The following HDAC9 variants were observed in gnomAD, a reference collection of about 807,000 sequenced individuals.
HDAC9 encodes histone deacetylase 9.
HDAC9 carries 41 observed loss-of-function variants against 139.4 expected under a neutral mutation model. That is an observed-to-expected ratio of 0.29 (90% CI 0.23 to 0.38). The LOEUF is 0.38. Ranked by LOEUF, HDAC9 falls within the 10% of genes least tolerant of loss-of-function variation. HDAC9 has a pLI of 1.00. For synonymous variants in HDAC9, 517 were observed against 476.2 expected, an observed-to-expected ratio of 1.09 and a Z score of -1.12; for missense variants, 1,147 against 1,297.0, an observed-to-expected ratio of 0.88 and a Z score of 1.78.
At chr7:18,138,527 G>GGTGTGTGTGTGTGTGT (rs71014309) in intron 1 of HDAC9, among the ~76,000 whole-genome samples, 7 of 142,586 alleles carry the variant, frequency 4.9e-5, no homozygotes, top group Non-Finnish European at 1.1e-4. Flanking sequence ...GAGAGAGAGA[G>GGTGTGTGTGTGTGTGT]GTGTGTGTGT....
intron 23 of HDAC9, among the ~76,000 whole-genome samples, chr7:18,938,861 A>T (rs1373383681): frequency 6.6e-6 from 1 of 152,228 alleles, no homozygotes; most frequent in Admixed American, 6.5e-5. Flanking sequence ...AGAAAGAATG[A>T]CAATGATGTC....
chr7:18,824,087 G>GAAGAAGAAGAAC lies in HDAC9; in HGVS notation c.2323-5072_2323-5071insGAAGAAGAACAA, dbSNP rs1331001570. ...AGAAGAAGAAGAAGAAGAAGAAGAA[G>GAAGAAGAAGAAC]AACAAGAACAAGAAGGAGAAGAAGA... On this transcript the variant is annotated intron_variant, in intron 17 of 25. Transcript: ENST00000686413. Among the ~76,000 whole-genome samples the GAAGAAGAAGAAC allele has an allele frequency of 7.5e-5, 11 of 147,544 alleles. No homozygotes were observed. In the East Asian group the frequency reaches 1.4e-3, roughly 19 times the overall value.
chr7:18,663,842 A>G (rs182786660), intron 11 of HDAC9, among the ~76,000 whole-genome samples: 63 of 152,038 alleles, frequency 4.1e-4, no homozygotes, highest in African/African-American at 1.4e-3. Flanking sequence ...TCTTCCCACA[A>G]GCTCCCCTCA....
rs1172112643 is a variant in HDAC9, at chr7:18,935,870, A to G, written c.2865A>G (p.Leu955=). ...CTGATGGACGTGTGGTGTTGGCTCT[A>G]GAAGGAGGACATGATCTCACAGCCA... ...TLADGRVVLA[L]EGGHDLTAIC... is the part of the protein sequence containing the mutation. The change falls in exon 23 of 26, where the codon CTA becomes CTG. Residue 955 remains leucine, a synonymous_variant. Coordinates refer to ENST00000686413, the MANE Select transcript of HDAC9 (RefSeq NM_178425.4). The G allele has an allele frequency of 2.5e-6, 4 of 1,613,764 alleles. No homozygotes were observed. The highest frequency in any genetic ancestry group is 2.5e-6 in the Non-Finnish European group (3 of 1,179,788).
chr7:18,617,307 G>C (rs1003055857), intron 6 of HDAC9, among the ~76,000 whole-genome samples: 5 of 152,058 alleles, frequency 3.3e-5, no homozygotes, highest in African/African-American at 7.2e-5. Flanking sequence ...TCCATCGCAA[G>C]CATGATCTCT....
At chr7:18,919,907 G>A (rs1803537594) in intron 22 of HDAC9, among the ~76,000 whole-genome samples, 1 of 152,054 alleles carries the variant, frequency 6.6e-6, no homozygotes, top group Non-Finnish European at 1.5e-5. Context: ...TAGCCTTGTA[G>A]TATAGTTTGA....
At chr7:18,299,695 C>G (rs1798405937) in intron 1 of HDAC9, among the ~76,000 whole-genome samples, 1 of 152,122 alleles carries the variant, frequency 6.6e-6, no homozygotes, top group South Asian at 2.1e-4. Context: ...TTGGTGCTGG[C>G]TCAAGAAGGC....
chr7:18,648,418 G>A (rs1185268406), intron 10 of HDAC9, 48 bp from the exon 11 acceptor site: 7 of 1,293,462 alleles, frequency 5.4e-6, no homozygotes, highest in Admixed American at 1.7e-5. Context: ...GTATGTGTGT[G>A]TGTGTGTGTG....
intron 1 of HDAC9, among the ~76,000 whole-genome samples, chr7:18,411,201 A>C (rs1788511718): frequency 6.6e-6 from 1 of 152,146 alleles, no homozygotes; most frequent in Non-Finnish European, 1.5e-5. Flanking sequence ...GATTTACTGG[A>C]GACCTACTTT....
intron 22 of HDAC9, among the ~76,000 whole-genome samples, chr7:18,929,547 T>C (rs1418819890): frequency 1.3e-5 from 2 of 152,230 alleles, no homozygotes; most frequent in African/African-American, 4.8e-5. Flanking sequence ...CCAGGCTACA[T>C]GTAGGATTCT....
intron 25 of HDAC9, among the ~76,000 whole-genome samples, chr7:18,991,505 C>CTGA (rs1292113500): frequency 6.6e-6 from 1 of 152,076 alleles, no homozygotes; most frequent in Non-Finnish European, 1.5e-5. Flanking sequence ...GGTGTGGTGG[C>CTGA]AGGCACCTGT....
chr7:18,752,729 A>C lies in HDAC9; in HGVS notation c.2043+3591A>C, dbSNP rs536194508. ...GATTCCACAGGAAAGGGTATAATCA[A>C]ATAGGAATATAATGCATACAAGCCA... On this transcript the variant is annotated intron_variant, in intron 14 of 25. Transcript: ENST00000686413. Among the ~76,000 whole-genome samples the C allele has an allele frequency of 2.0e-5, 3 of 152,262 alleles. No homozygotes were observed. The South Asian group carries it at 6.2e-4, about 32-fold the overall frequency.
intron 1 of HDAC9, among the ~76,000 whole-genome samples, chr7:18,351,215 T>G (rs1243544176): frequency 6.6e-6 from 1 of 152,180 alleles, no homozygotes; most frequent in Non-Finnish European, 1.5e-5. Context: ...CTGACTTTAA[T>G]ACATCATTGC....
upstream of HDAC9, among the ~76,000 whole-genome samples, chr7:18,289,389 T>C (rs1031455585): frequency 6.6e-6 from 1 of 152,208 alleles, no homozygotes. Context: ...GGGGGTATAC[T>C]AAGAAGGGTA....
chr7:18,962,328 G>A (rs936242026), intron 24 of HDAC9, among the ~76,000 whole-genome samples: 30 of 152,194 alleles, frequency 2.0e-4, no homozygotes, highest in South Asian at 1.2e-3. Flanking sequence ...GCCAACCCTC[G>A]CTTGTATCAC....
rs1324599208 is a variant in HDAC9, at chr7:18,786,786, T to C, written c.2215-6559T>C. Among the ~76,000 whole-genome samples the C allele has an allele frequency of 7.1e-5, 5 of 70,644 alleles. No individual in the cohort carries two copies. The South Asian group carries it at 2.3e-3, about 33-fold the overall frequency. The allele number at this position is 70,644 out of a possible 152,430, so 46.3% of individuals were successfully genotyped here. A position where few individuals can be genotyped will look rare whatever the true frequency, so the allele number is the denominator to read the frequency against. ...TTTTTCTCTCTTTCTTTCTTTTCTT[T>C]CTTTCTTTCTTTCCTTCCTTCCTTC... On this transcript the variant is annotated intron_variant, in intron 16 of 25. Transcript: ENST00000686413.
chr7:18,705,737 C>T (rs1410961450), intron 12 of HDAC9, among the ~76,000 whole-genome samples: 3 of 151,296 alleles, frequency 2.0e-5, no homozygotes, highest in Non-Finnish European at 4.4e-5. Flanking sequence ...CCTGTAATCC[C>T]AGCTGCTTGG....
At chr7:18,705,679 C>A (rs1274874328) in intron 12 of HDAC9, among the ~76,000 whole-genome samples, 1 of 151,652 alleles carries the variant, frequency 6.6e-6, no homozygotes, top group East Asian at 2.0e-4. Context: ...GCCGAAACCC[C>A]GTTTCTACTA....
intron 1 of HDAC9, among the ~76,000 whole-genome samples, chr7:18,452,681 T>C (rs1399550028): frequency 6.6e-6 from 1 of 152,180 alleles, no homozygotes; most frequent in Non-Finnish European, 1.5e-5. Flanking sequence ...GTTTTTCCCA[T>C]GCTGTTCTCA....
Sources: gnomAD v4.1 joint callset for allele counts (sites outside exome capture counted in the v4.1 genomes callset) on GRCh38, gnomAD v4.1.1 for gene constraint, MANE v1.5 for transcripts, NCBI Gene and HGNC (gene_info 2026-07-23, HGNC 2026-07-21) for gene names.